PIK3C2G: variants seen among roughly 807,000 people sequenced by gnomAD.
PIK3C2G encodes the protein phosphatidylinositol-4-phosphate 3-kinase catalytic subunit type 2 gamma.
A neutral mutation model predicts 181.1 loss-of-function variants in PIK3C2G; 168 were observed. The observed-to-expected ratio is 0.93, with a 90% confidence interval of 0.82 to 1.05. PIK3C2G has a LOEUF of 1.05. Among genes scored for constraint, PIK3C2G ranks in the 50% least tolerant of loss-of-function variants. The probability of loss-of-function intolerance (pLI) is 0.00; values close to 1 mark genes in which losing one functional copy is unlikely to be tolerated. For synonymous variants in PIK3C2G, 573 were observed against 592.2 expected (o/e 0.97, Z 0.47); for missense variants, 1,869 against 1,732.8 (o/e 1.08, Z -1.40).
At chr12:18,698,242 CTTCTA>C in the PIK3C2G span, among the ~76,000 whole-genome samples, 2,183 of 145,500 alleles carry the variant, frequency 0.015, 33 homozygotes, top group African/African-American at 0.04. Context: ...ATACACTTTT[CTTCTA>C]TTCTATTCTA....
intron 12 of PIK3C2G, among the ~76,000 whole-genome samples, chr12:18,367,486 G>A (rs1009966459): frequency 1.3e-5 from 2 of 152,092 alleles, no homozygotes; most frequent in African/African-American, 2.4e-5. Context: ...CTAGAATTAC[G>A]TATTTGTCAG....
At chr12:18,611,145 C>T (rs1948309909) in intron 31 of PIK3C2G, among the ~76,000 whole-genome samples, 1 of 151,936 alleles carries the variant, frequency 6.6e-6, no homozygotes, top group Non-Finnish European at 1.5e-5. Context: ...TGAAGATCTT[C>T]AAAGTGAATG....
intron 18 of PIK3C2G, among the ~76,000 whole-genome samples, chr12:18,445,934 G>C (rs182467350): frequency 2.0e-5 from 3 of 152,082 alleles, no homozygotes; most frequent in Non-Finnish European, 2.9e-5. Flanking sequence ...TTTTAACGAG[G>C]GGAAAATGGG....
chr12:18,660,714 G>C, the PIK3C2G span, among the ~76,000 whole-genome samples: 2 of 151,998 alleles, frequency 1.3e-5, no homozygotes, highest in Admixed American at 1.3e-4. Flanking sequence ...GATTTCCAGA[G>C]ACATGATATT....
chr12:18,520,186 T>C lies in PIK3C2G; in HGVS notation c.3323+14725T>C, dbSNP rs184041489. Among the ~76,000 whole-genome samples, 12 of 152,062 alleles carry C rather than the reference T, an allele frequency of 7.9e-5. No individual in the cohort carries two copies. The East Asian group carries it at 2.3e-3, about 30-fold the overall frequency. On this transcript the variant is annotated intron_variant, in intron 24 of 32. Transcript: ENST00000538779. ...ATTTCAACCGTGGAGAATCTGATGA[T>C]TATGTGTCTTGGGATTGATCTTCTC...
intron 9 of PIK3C2G, among the ~76,000 whole-genome samples, chr12:18,339,028 C>T (rs376460542): frequency 7.2e-5 from 11 of 151,990 alleles, no homozygotes; most frequent in East Asian, 5.8e-4. Flanking sequence ...GTATCTTTTG[C>T]GAATTTTGCA....
chr12:18,368,909 C>A (rs1941829376), intron 12 of PIK3C2G, among the ~76,000 whole-genome samples: 1 of 152,130 alleles, frequency 6.6e-6, no homozygotes, highest in Admixed American at 6.5e-5. Flanking sequence ...ATTTGAAACC[C>A]TGGGTAAAAA....
At chr12:18,568,219 G>A (rs1945737535) in intron 29 of PIK3C2G, among the ~76,000 whole-genome samples, 1 of 152,104 alleles carries the variant, frequency 6.6e-6, no homozygotes, top group Admixed American at 6.6e-5. Context: ...GTATTATTCT[G>A]CCTATCACGG....
chr12:18,651,453 A>T (rs1950514472), downstream of PIK3C2G, among the ~76,000 whole-genome samples: 1 of 152,142 alleles, frequency 6.6e-6, no homozygotes, highest in Non-Finnish European at 1.5e-5. Context: ...TTTGCTTATT[A>T]TTTATGCTTT....
intron 31 of PIK3C2G, 81 bp downstream of exon 31, chr12:18,609,710 A>C: frequency 1.3e-6 from 1 of 774,954 alleles, no homozygotes; most frequent in South Asian, 1.6e-5. Flanking sequence ...TAGTGTCAAC[A>C]TTAGCTAGAA....
chr12:18,305,957 T>C (rs1950404035), intron 5 of PIK3C2G, among the ~76,000 whole-genome samples: 1 of 151,968 alleles, frequency 6.6e-6, no homozygotes, highest in Non-Finnish European at 1.5e-5. Flanking sequence ...CCGACTTTCT[T>C]AGTAACTTCA....
At chr12:18,530,944 G>T (rs1348031929) in intron 24 of PIK3C2G, among the ~76,000 whole-genome samples, 1 of 152,016 alleles carries the variant, frequency 6.6e-6, no homozygotes, top group African/African-American at 2.4e-5. Flanking sequence ...TTATAGCAGT[G>T]TGAGAATGGA....
chr12:18,343,004 A>G (rs1939284532), intron 9 of PIK3C2G, among the ~76,000 whole-genome samples: 1 of 152,096 alleles, frequency 6.6e-6, no homozygotes, highest in Non-Finnish European at 1.5e-5. Flanking sequence ...CACGGCATAC[A>G]GAGAGAATTA....
intron 24 of PIK3C2G, among the ~76,000 whole-genome samples, chr12:18,537,551 G>C (rs1943925173): frequency 6.6e-6 from 1 of 151,952 alleles, no homozygotes; most frequent in Admixed American, 6.6e-5. Flanking sequence ...AGACTACAGT[G>C]GTCAGTATTA....
At chr12:18,314,351 G>A (rs1404655818) in intron 6 of PIK3C2G, among the ~76,000 whole-genome samples, 1 of 152,106 alleles carries the variant, frequency 6.6e-6, no homozygotes, top group Non-Finnish European at 1.5e-5. Flanking sequence ...ATAGTATTAG[G>A]AAGTGAGGTC....
At chr12:18,537,483 G>T (rs1311321667) in intron 24 of PIK3C2G, among the ~76,000 whole-genome samples, 1 of 151,994 alleles carries the variant, frequency 6.6e-6, no homozygotes, top group Non-Finnish European at 1.5e-5. Flanking sequence ...ACTGACAAAG[G>T]TGGGGGACGT....
chr12:18,620,664 T>C (rs138131407), intron 31 of PIK3C2G, among the ~76,000 whole-genome samples: 6 of 152,028 alleles, frequency 3.9e-5, no homozygotes, highest in Non-Finnish European at 4.4e-5. Flanking sequence ...CCAAGTGCTA[T>C]TGCTAAGCCA....
chr12:18,346,377 T>C (rs1015017248), intron 10 of PIK3C2G, among the ~76,000 whole-genome samples: 3 of 152,184 alleles, frequency 2.0e-5, no homozygotes, highest in Admixed American at 1.3e-4. Context: ...ATTAATAATT[T>C]TTTAAATTCC....
the PIK3C2G span, among the ~76,000 whole-genome samples, chr12:18,686,498 A>G: frequency 1.3e-5 from 2 of 151,312 alleles, no homozygotes; most frequent in Middle Eastern, 3.4e-3. Flanking sequence ...TGTTTTCTTC[A>G]TATTTTAGGA....
Sources: allele counts gnomAD v4.1 joint callset (sites outside exome capture counted in the v4.1 genomes callset), GRCh38; gene constraint gnomAD v4.1.1; transcripts MANE v1.5; gene names NCBI Gene and HGNC (gene_info 2026-07-23, HGNC 2026-07-21).